ORC4: variants seen among roughly 807,000 people sequenced by gnomAD.
ORC4 encodes origin recognition complex, subunit 4 homolog.
ORC4 carries 55 observed loss-of-function variants against 63.9 expected under a neutral mutation model. The ratio of observed to expected loss-of-function variants is 0.86; its 90% CI spans 0.69 to 1.08. ORC4 has a LOEUF of 1.08. Ranked by LOEUF, ORC4 falls within the 50% of genes least tolerant of loss-of-function variation. ORC4 has a pLI of 0.00. For missense variants in ORC4, 511 were observed against 504.4 expected (o/e 1.01, Z -0.13); for synonymous variants, 150 against 168.5 (o/e 0.89, Z 0.85).
At chr2:147,959,865 G>A (rs1488196289) in intron 4 of ORC4, among the ~76,000 whole-genome samples, 1 of 152,118 alleles carries the variant, frequency 6.6e-6, no homozygotes, top group African/African-American at 2.4e-5. Flanking sequence ...GACATTTAAT[G>A]AGAAGTAACA....
chr2:148,014,100 T>C (rs530994657), intron 1 of ORC4, among the ~76,000 whole-genome samples: 50 of 152,174 alleles, frequency 3.3e-4, no homozygotes, highest in African/African-American at 1.2e-3. Flanking sequence ...ATCCTATCCT[T>C]TGACAGGCCA....
rs1558837961 is a variant in ORC4, at chr2:147,952,506, C to A, written c.455G>T (p.Cys152Phe). ...ALKKGDRTSS[C>F]PVIFILDEFD... ...TTCATCTAATATGAAGATCACTGGG[C>A]AACTGCTAGTTCGGTCACCTAAGAT... is the stretch of plus-strand genomic sequence containing the variant. The change falls in exon 8 of 14, where the codon TGC (cysteine) becomes TTC (phenylalanine). Residue 152 changes from cysteine to phenylalanine, a missense_variant. Cys to Phe is a radical substitution (Grantham distance 205). Coordinates refer to ENST00000392857, the MANE Select transcript of ORC4 (RefSeq NM_181741.4). The A allele has an allele frequency of 6.2e-7, 1 of 1,610,624 alleles. No homozygotes were observed. Among genetic ancestry groups the A allele is most frequent in the Admixed American group, 1.7e-5 (1 of 60,006 alleles).
At chr2:147,937,417 A>G (rs1036558632) in intron 13 of ORC4, among the ~76,000 whole-genome samples, 4 of 152,184 alleles carry the variant, frequency 2.6e-5, no homozygotes, top group Admixed American at 1.3e-4. Flanking sequence ...TTACTTTCTC[A>G]GCTATACATT....
intron 1 of ORC4, among the ~76,000 whole-genome samples, chr2:148,018,423 T>C (rs1693449518): frequency 6.6e-6 from 1 of 152,174 alleles, no homozygotes; most frequent in Non-Finnish European, 1.5e-5. Context: ...ACATACGTAC[T>C]CTACAAAAAC....
chr2:147,957,134 T>C (rs1290928762), intron 6 of ORC4, among the ~76,000 whole-genome samples: 1 of 147,740 alleles, frequency 6.8e-6, no homozygotes, highest in Non-Finnish European at 1.5e-5. Flanking sequence ...TAGATTATAA[T>C]CTATAATTAC....
chr2:147,946,854 A>G (rs994883894), intron 9 of ORC4, among the ~76,000 whole-genome samples: 1 of 152,036 alleles, frequency 6.6e-6, no homozygotes, highest in African/African-American at 2.4e-5. Flanking sequence ...AGACCAAGTA[A>G]TTATTCCATA....
In ORC4 at chr2:148,005,891, A is replaced by ACTTC. The variant is rs570515681; in HGVS notation, c.-18+14738_-18+14741dup. Among the ~76,000 whole-genome samples, 292 of 152,118 alleles carry ACTTC rather than the reference A, an allele frequency of 1.9e-3. 2 individuals carry two copies. The highest frequency in any genetic ancestry group is 6.8e-3 in the Middle Eastern group (2 of 294). ...CTCGGGAGGCTGAGGTGGGAGGATC[A>ACTTC]CTTCAGCCCAGGAGGTCAATTGAGG... is the stretch of plus-strand genomic sequence containing the variant. On this transcript the variant is annotated intron_variant, in intron 1 of 13. Transcript: ENST00000392857.
chr2:147,945,643 A>G (rs565575128), intron 9 of ORC4, among the ~76,000 whole-genome samples: 84 of 152,254 alleles, frequency 5.5e-4, no homozygotes, highest in African/African-American at 1.9e-3. Flanking sequence ...ACTCATTTGA[A>G]GTAGGGCTAA....
At chr2:147,942,446 T>C (rs1688416556) in intron 10 of ORC4, among the ~76,000 whole-genome samples, 1 of 152,040 alleles carries the variant, frequency 6.6e-6, no homozygotes, top group African/African-American at 2.4e-5. Flanking sequence ...ATAAGGCTGG[T>C]TCAACACTCA....
chr2:147,955,119 T>A (rs993733104), intron 7 of ORC4, among the ~76,000 whole-genome samples: 2 of 151,996 alleles, frequency 1.3e-5, no homozygotes, highest in Non-Finnish European at 2.9e-5. Flanking sequence ...ATCAATAATA[T>A]ACTGATATAA....
Position 147,943,427 on chromosome 2 carries a change from A to T in ORC4, c.849+9T>A. ...AAGCAACAAGCAATAAAACAAAACT[A>T]ATACAAACCAATAGCATGTGTAATG... On this transcript the variant is annotated intron_variant, in intron 10 of 13. Transcript: ENST00000392857. The T allele has an allele frequency of 6.4e-7, 1 of 1,555,256 alleles. No homozygotes were observed. The highest frequency in any genetic ancestry group is 8.9e-7 in the Non-Finnish European group (1 of 1,126,736).
chr2:147,933,462 T>G lies in ORC4; in HGVS notation c.*2048A>C, dbSNP rs1220758152. Reference sequence around the variant, plus strand: ...TGTGTAACTTTTCCTAATGTATTTTTTTTTAATTTGCTTTATAACGGTTTC... The same window carrying G: ...TGTGTAACTTTTCCTAATGTATTTTGTTTTAATTTGCTTTATAACGGTTTC... On this transcript the variant is annotated 3_prime_UTR_variant, in exon 14 of 14. Transcript: ENST00000392857. 6.6e-6 allele frequency: 1 copy of G among 152,142 alleles called. No homozygotes were observed. Among genetic ancestry groups the G allele is most frequent in the East Asian group, 1.9e-4 (1 of 5,202 alleles). 9.4% of individuals were successfully genotyped at this position (152,142 alleles called of 1,614,324 possible).
intron 10 of ORC4, among the ~76,000 whole-genome samples, chr2:147,940,550 A>G (rs1688310462): frequency 6.6e-6 from 1 of 152,094 alleles, no homozygotes; most frequent in South Asian, 2.1e-4. Flanking sequence ...TCAATCAACG[A>G]GTGGATAAAG....
chr2:147,954,597 G>C (rs1689142704), intron 7 of ORC4, among the ~76,000 whole-genome samples: 1 of 152,114 alleles, frequency 6.6e-6, no homozygotes, highest in South Asian at 2.1e-4. Context: ...TTGAATTAAA[G>C]GTTGTTATGT....
chr2:147,938,802 G>T (rs954674961), intron 11 of ORC4, among the ~76,000 whole-genome samples: 7 of 151,846 alleles, frequency 4.6e-5, no homozygotes, highest in Non-Finnish European at 7.4e-5. Context: ...TTTTTTCCCC[G>T]GAGAGGAAAA....
In ORC4 at chr2:147,975,974, T is replaced by G; in HGVS notation, c.-16A>C. 1 of 1,472,594 alleles carries G rather than the reference T, an allele frequency of 6.8e-7. No individual in the cohort carries two copies. The highest frequency in any genetic ancestry group is 9.2e-7 in the Non-Finnish European group (1 of 1,088,492). 91.2% of individuals were successfully genotyped at this position (1,472,594 alleles called of 1,614,324 possible). A position where few individuals can be genotyped will look rare whatever the true frequency, so the allele number is the denominator to read the frequency against. ...GACTGCTCATTTCAACAAATTCAAA[T>G]CCTTTAAAAAAATTGGCATAAATAT... On this transcript the variant is annotated splice_region_variant and 5_prime_UTR_variant, in exon 2 of 14. Transcript: ENST00000392857.
chr2:147,983,989 G>C (rs1691044151), intron 1 of ORC4, among the ~76,000 whole-genome samples: 1 of 152,184 alleles, frequency 6.6e-6, no homozygotes. Flanking sequence ...CAATCTGGCA[G>C]AACGGTTCTG....
chr2:147,957,280 A>T (rs1689316580), intron 6 of ORC4, among the ~76,000 whole-genome samples: 1 of 148,456 alleles, frequency 6.7e-6, no homozygotes, highest in Admixed American at 6.8e-5. Flanking sequence ...ATAATTAATA[A>T]TTTTATAGAT....
In ORC4 at chr2:147,958,875, G is replaced by A; in HGVS notation, c.226-9C>T. The A allele has an allele frequency of 8.9e-7, 1 of 1,117,614 alleles. No homozygotes were observed. Among genetic ancestry groups the A allele is most frequent in the Non-Finnish European group, 1.4e-6 (1 of 735,782 alleles). 69.2% of individuals were successfully genotyped at this position (1,117,614 alleles called of 1,614,324 possible). ...AAAGCATGATTTATTAACTAAATATGAAAAGTTTATGAAATAATAATAGGT... is the reference window on the plus strand; with the variant it reads ...AAAGCATGATTTATTAACTAAATATAAAAAGTTTATGAAATAATAATAGGT... On this transcript the variant is annotated splice_polypyrimidine_tract_variant and intron_variant, in intron 4 of 13. Transcript: ENST00000392857.
Sources: allele counts gnomAD v4.1 joint callset (sites outside exome capture counted in the v4.1 genomes callset), GRCh38; gene constraint gnomAD v4.1.1; transcripts MANE v1.5; gene names NCBI Gene and HGNC (gene_info 2026-07-23, HGNC 2026-07-21).